The following STT3B variants were observed in gnomAD, a reference collection of about 807,000 sequenced individuals.
The protein encoded by STT3B is STT3 oligosaccharyltransferase complex catalytic subunit B.
Under a neutral mutation model 96.8 loss-of-function variants are expected in STT3B, and 29 were observed. The observed-to-expected ratio is 0.30, with a 90% CI of 0.22 to 0.41. STT3B has a LOEUF of 0.41. Among genes scored for constraint, STT3B ranks in the 10% least tolerant of loss-of-function variants. STT3B has a pLI of 1.00. For synonymous variants in STT3B, 367 were observed against 360.0 expected (o/e 1.02, Z -0.22); for missense variants, 640 against 1,022.3 (o/e 0.63, Z 5.10).
chr3:31,562,799 A>T (rs1397615004), intron 1 of STT3B, among the ~76,000 whole-genome samples: 2 of 152,194 alleles, frequency 1.3e-5, no homozygotes, highest in Non-Finnish European at 2.9e-5. Context: ...TGGCCCTGGC[A>T]GCAGGATGCA....
chr3:31,605,107 G>A (rs1268955666), intron 5 of STT3B, among the ~76,000 whole-genome samples: 1 of 152,110 alleles, frequency 6.6e-6, no homozygotes, highest in African/African-American at 2.4e-5. Flanking sequence ...TGAAGGAATA[G>A]CCAGATAGAC....
chr3:31,570,472 TGAA>T (rs754029021), intron 1 of STT3B, among the ~76,000 whole-genome samples: 24 of 152,232 alleles, frequency 1.6e-4, no homozygotes, highest in Non-Finnish European at 3.1e-4. Flanking sequence ...GATGATCGTA[TGAA>T]GAAGTGAGAA....
intron 1 of STT3B, among the ~76,000 whole-genome samples, chr3:31,555,135 A>G (rs1004708099): frequency 6.6e-6 from 1 of 152,136 alleles, no homozygotes; most frequent in Non-Finnish European, 1.5e-5. Flanking sequence ...GTTAGAATAT[A>G]CTTGTTCTCA....
chr3:31,533,350 CG>C, intron 1 of STT3B, 38 bp downstream of exon 1: 1 of 1,446,858 alleles, frequency 6.9e-7, no homozygotes. Flanking sequence ...CCGTGGCCCG[CG>C]GGGAACCGGG....
intron 1 of STT3B, among the ~76,000 whole-genome samples, chr3:31,560,614 C>T (rs1466683586): frequency 6.6e-6 from 1 of 151,830 alleles, no homozygotes; most frequent in East Asian, 1.9e-4. Context: ...GCTAAGAAAT[C>T]TTTTATTAGT....
chr3:31,551,305 T>A lies in STT3B; in HGVS notation c.314+17993T>A, dbSNP rs548568575. ...ATCTCGGCTCACTACAACCTCCGCCTCCCAGGCTCAAATGATCCTCCCACC... is the reference window on the plus strand; with the variant it reads ...ATCTCGGCTCACTACAACCTCCGCCACCCAGGCTCAAATGATCCTCCCACC... On this transcript the variant is annotated intron_variant, in intron 1 of 15. Transcript: ENST00000295770. Among the ~76,000 whole-genome samples, 9 of 152,202 alleles carry A rather than the reference T, an allele frequency of 5.9e-5. No homozygotes were observed. The South Asian group carries it at 1.7e-3, about 28-fold the overall frequency.
chr3:31,570,286 A>G (rs9846736), intron 1 of STT3B, among the ~76,000 whole-genome samples: 103,532 of 152,060 alleles, frequency 0.68, 36,189 homozygotes, highest in Non-Finnish European at 0.76. Context: ...GAACTGCCAG[A>G]AACTATGAGA....
intron 1 of STT3B, among the ~76,000 whole-genome samples, chr3:31,541,374 C>T (rs1253343442): frequency 6.6e-6 from 1 of 151,870 alleles, no homozygotes; most frequent in Admixed American, 6.6e-5. Flanking sequence ...AGGTGGTAAA[C>T]TCTGTGTGCA....
intron 1 of STT3B, among the ~76,000 whole-genome samples, chr3:31,542,298 G>A (rs976481986): frequency 6.6e-6 from 1 of 152,198 alleles, no homozygotes; most frequent in African/African-American, 2.4e-5. Context: ...AAGCAGGAAA[G>A]AGAATACTGG....
At chr3:31,555,629 T>C (rs1182868146) in intron 1 of STT3B, among the ~76,000 whole-genome samples, 1 of 152,154 alleles carries the variant, frequency 6.6e-6, no homozygotes, top group African/African-American at 2.4e-5. Flanking sequence ...TCTCAACTTA[T>C]TTATACTTGT....
chr3:31,597,707 C>CGTTA (rs927002180), intron 4 of STT3B, among the ~76,000 whole-genome samples: 3 of 152,166 alleles, frequency 2.0e-5, no homozygotes, highest in African/African-American at 7.2e-5. Flanking sequence ...AATCCTCCTA[C>CGTTA]GTTAGCCTCC....
intron 2 of STT3B, among the ~76,000 whole-genome samples, chr3:31,577,158 ACT>A (rs1357051800): frequency 5.3e-5 from 8 of 151,700 alleles, no homozygotes; most frequent in Admixed American, 2.0e-4. Context: ...GAAACTTCTG[ACT>A]CTGTTGATTA....
intron 1 of STT3B, among the ~76,000 whole-genome samples, chr3:31,574,194 G>A (rs539573664): frequency 9.5e-4 from 145 of 151,912 alleles, no homozygotes; most frequent in Non-Finnish European, 1.6e-3. Flanking sequence ...CAGAAGTTTC[G>A]GGGGGGTGTT....
At chr3:31,615,278 G>GT (rs1559387259) in intron 6 of STT3B, 75 bp downstream of exon 6, 1 of 1,114,776 alleles carries the variant, frequency 9.0e-7, no homozygotes. Flanking sequence ...AGAGATGACA[G>GT]TTTTTGATCA....
chr3:31,624,388 G>A (rs1699489429), intron 11 of STT3B, among the ~76,000 whole-genome samples: 1 of 152,146 alleles, frequency 6.6e-6, no homozygotes, highest in Non-Finnish European at 1.5e-5. Flanking sequence ...ATATACATTA[G>A]TTTTTCTCAA....
intron 5 of STT3B, among the ~76,000 whole-genome samples, chr3:31,611,646 G>T (rs528511616): frequency 6.6e-6 from 1 of 151,940 alleles, no homozygotes; most frequent in African/African-American, 2.4e-5. Context: ...ACAGGCACGC[G>T]CCACCACACC....
intron 3 of STT3B, among the ~76,000 whole-genome samples, chr3:31,589,199 C>T (rs1345649419): frequency 2.0e-5 from 3 of 151,976 alleles, no homozygotes; most frequent in Admixed American, 6.6e-5. Flanking sequence ...TGTGCTAATA[C>T]GTACTGGGTG....
chr3:31,601,800 A>G (rs1466317242), intron 5 of STT3B, among the ~76,000 whole-genome samples: 4 of 152,236 alleles, frequency 2.6e-5, no homozygotes, highest in Admixed American at 1.3e-4. Flanking sequence ...AAAAAAGCAT[A>G]GTATATTACA....
chr3:31,600,489 A>G, intron 5 of STT3B, 30 bp downstream of exon 5: 2 of 1,016,430 alleles, frequency 2.0e-6, no homozygotes, highest in Non-Finnish European at 3.1e-6. Context: ...ACATCTGTCA[A>G]CTAAGAGATG....
Sources: allele counts gnomAD v4.1 joint callset (sites outside exome capture counted in the v4.1 genomes callset), GRCh38; gene constraint gnomAD v4.1.1; transcripts MANE v1.5; gene names NCBI Gene and HGNC (gene_info 2026-07-23, HGNC 2026-07-21).